ARL6IP5: variants seen among roughly 807,000 people sequenced by gnomAD.
ARL6IP5 encodes the protein PRA1 family protein 3.
Under a neutral mutation model 13.0 loss-of-function variants are expected in ARL6IP5, and 6 were observed. The observed-to-expected ratio is 0.46, with a 90% CI of 0.25 to 0.91. The LOEUF (loss-of-function observed/expected upper bound fraction) is 0.91, where lower values mean the gene tolerates loss of function less well. Among genes scored for constraint, ARL6IP5 ranks in the 40% least tolerant of loss-of-function variants. The pLI is 0.17. For missense variants in ARL6IP5, 208 were observed against 248.8 expected, an observed-to-expected ratio of 0.84 and a Z score of 1.10; for synonymous variants, 91 against 91.9, an observed-to-expected ratio of 0.99 and a Z score of 0.06.
intron 2 of ARL6IP5, among the ~76,000 whole-genome samples, chr3:69,104,100 C>T (rs549161516): frequency 4.3e-4 from 65 of 152,182 alleles, no homozygotes; most frequent in Non-Finnish European, 7.1e-4. Context: ...TGGAAAGCCT[C>T]GGGTAAGTTG....
chr3:69,091,941 AT>A (rs2107511518), intron 1 of ARL6IP5, among the ~76,000 whole-genome samples: 1 of 152,238 alleles, frequency 6.6e-6, no homozygotes, highest in East Asian at 1.9e-4. Context: ...TGTATTTTTT[AT>A]TTTTTGGACA....
chr3:69,103,795 T>C (rs2092313560), intron 2 of ARL6IP5, among the ~76,000 whole-genome samples: 1 of 152,076 alleles, frequency 6.6e-6, no homozygotes, highest in Non-Finnish European at 1.5e-5. Flanking sequence ...CTGGTATAGA[T>C]CATATGGAGA....
At chr3:69,098,240 CTTT>C (rs34413250) in intron 1 of ARL6IP5, among the ~76,000 whole-genome samples, 4 of 71,822 alleles carry the variant, frequency 5.6e-5, no homozygotes, top group East Asian at 4.3e-4. Flanking sequence ...CCATACCTGG[CTTT>C]TTTTTTTTTT....
chr3:69,090,291 G>C (rs1575858444), intron 1 of ARL6IP5, among the ~76,000 whole-genome samples: 1 of 152,284 alleles, frequency 6.6e-6, no homozygotes, highest in Middle Eastern at 3.4e-3. Context: ...TTCAACACCA[G>C]TTCTACAACA....
At chr3:69,093,744 G>A (rs1289585347) in intron 1 of ARL6IP5, among the ~76,000 whole-genome samples, 3 of 146,368 alleles carry the variant, frequency 2.0e-5, no homozygotes, top group Non-Finnish European at 3.0e-5. Context: ...CCTGCCGACA[G>A]AGGGAGATTC....
intron 1 of ARL6IP5, among the ~76,000 whole-genome samples, chr3:69,091,658 T>A (rs1417699172): frequency 6.7e-6 from 1 of 150,100 alleles, no homozygotes; most frequent in African/African-American, 2.4e-5. Flanking sequence ...GTCCAGCTTT[T>A]TTTTTTTTTT....
chr3:69,096,545 TTCAA>T (rs2092287646), intron 1 of ARL6IP5, among the ~76,000 whole-genome samples: 1 of 152,070 alleles, frequency 6.6e-6, no homozygotes, highest in Admixed American at 6.6e-5. Context: ...TTCCTTGAAT[TTCAA>T]TCCTCCATTT....
rs575464418 is a variant in ARL6IP5 at position 69,102,379 on chromosome 3, C to T, written c.394+323C>T. On this transcript the variant is annotated intron_variant, in intron 2 of 2. Transcript: ENST00000273258. ...GTGGTGTTATCTCGGCTTACTGCAA[C>T]CTCTGCCTCCTGAATAGCTGGGACC... 1.5e-5 allele frequency: 5 copies of T among 344,696 alleles called. No homozygotes were observed. In the South Asian group the frequency reaches 1.5e-4, roughly 10 times the overall value. 21.4% of individuals were successfully genotyped at this position (344,696 alleles called of 1,614,324 possible).
chr3:69,092,477 G>T (rs982586709), intron 1 of ARL6IP5, among the ~76,000 whole-genome samples: 1 of 152,104 alleles, frequency 6.6e-6, no homozygotes, highest in Non-Finnish European at 1.5e-5. Flanking sequence ...GCTTTTGTTT[G>T]TTTTGTTTTG....
Position 69,102,072 on chromosome 3 carries a change from T to A in ARL6IP5, c.394+16T>A, listed in dbSNP as rs756133959. The A allele has an allele frequency of 1.9e-6, 3 of 1,608,586 alleles. No individual in the cohort carries two copies. The highest frequency in any genetic ancestry group is 2.7e-5 in the African/African-American group (2 of 74,820). On this transcript the variant is annotated intron_variant, in intron 2 of 2. Coordinates refer to ENST00000273258, the MANE Select transcript of ARL6IP5 (RefSeq NM_006407.4). ...CCTTTGCTGTGTAAGTGAACTTGAG[T>A]TTTTTCTTCCATCATCAAAAAAATG...
rs985787866 is a variant in ARL6IP5, at chr3:69,104,776, G to A, written c.*140G>A. ...CTATGGCAGCATGCATGTATAGGCCGAACTATTATCAGCTCTGATGTTTCA... is the reference window on the plus strand; with the variant it reads ...CTATGGCAGCATGCATGTATAGGCCAAACTATTATCAGCTCTGATGTTTCA... On this transcript the variant is annotated 3_prime_UTR_variant, in exon 3 of 3. Coordinates refer to ENST00000273258, the MANE Select transcript of ARL6IP5 (RefSeq NM_006407.4). 3.6e-5 allele frequency: 34 copies of A among 939,398 alleles called. No homozygotes were observed. The highest frequency in any genetic ancestry group is 8.5e-5 in the South Asian group (6 of 70,936). The allele number at this position is 939,398 out of a possible 1,614,324, so 58.2% of individuals were successfully genotyped here.
In ARL6IP5 at chr3:69,104,715, T is replaced by G; in HGVS notation, c.*79T>G. 2 of 1,506,828 alleles carry G rather than the reference T, an allele frequency of 1.3e-6. No homozygotes were observed. The highest frequency in any genetic ancestry group is 1.8e-6 in the Non-Finnish European group (2 of 1,098,796). 93.3% of individuals were successfully genotyped at this position (1,506,828 alleles called of 1,614,324 possible). A position where few individuals can be genotyped will look rare whatever the true frequency, so the allele number is the denominator to read the frequency against. ...TGTCCAGACCTATGTTCTGCTTGCG[T>G]TTTTGAAACAGGAGGTGCACGTACC... On this transcript the variant is annotated 3_prime_UTR_variant, in exon 3 of 3. Transcript: ENST00000273258.
At chr3:69,087,467 C>G (rs889455220) in intron 1 of ARL6IP5, among the ~76,000 whole-genome samples, 13 of 150,346 alleles carry the variant, frequency 8.6e-5, no homozygotes, top group South Asian at 2.1e-4. Flanking sequence ...AAGTTTGACA[C>G]AGACCAATAA....
chr3:69,103,915 T>G (rs1394213389), intron 2 of ARL6IP5, among the ~76,000 whole-genome samples: 2 of 152,002 alleles, frequency 1.3e-5, no homozygotes, highest in Non-Finnish European at 2.9e-5. Context: ...TCAAGCAAGT[T>G]TGGGGAACGG....
At chr3:69,085,894 A>T (rs1053108718) in intron 1 of ARL6IP5, among the ~76,000 whole-genome samples, 2 of 152,162 alleles carry the variant, frequency 1.3e-5, no homozygotes, top group Non-Finnish European at 2.9e-5. Flanking sequence ...GTTTCAATGT[A>T]TCAGAAGGCC....
rs764442140 is a variant in ARL6IP5 at position 69,104,564 on chromosome 3, C to T, written c.495C>T (p.Val165=). Residue 165 remains valine, a synonymous_variant, in exon 3 of 3, where the codon GTC becomes GTT. Coordinates refer to ENST00000273258, the MANE Select transcript of ARL6IP5 (RefSeq NM_006407.4). Reference sequence around the variant, plus strand: ...TGAAGAGGACACCGATGGGCATTGTCCTGGATGCCCTAGAACAGCAGGAAG... The same window carrying T: ...TGAAGAGGACACCGATGGGCATTGTTCTGGATGCCCTAGAACAGCAGGAAG... The part of the protein sequence containing the change: ...IGLKRTPMGI[V]LDALEQQEEG... 1 of 1,614,072 alleles carries T rather than the reference C, an allele frequency of 6.2e-7. No individual in the cohort carries two copies. The highest frequency in any genetic ancestry group is 8.5e-7 in the Non-Finnish European group (1 of 1,179,936).
chr3:69,089,594 C>T (rs1366614545), intron 1 of ARL6IP5, among the ~76,000 whole-genome samples: 3 of 146,340 alleles, frequency 2.1e-5, no homozygotes, highest in Non-Finnish European at 4.5e-5. Context: ...TGCTCAAGGC[C>T]AGGAGTTTAA....
chr3:69,095,954 C>T (rs2092285525), intron 1 of ARL6IP5, among the ~76,000 whole-genome samples: 1 of 152,148 alleles, frequency 6.6e-6, no homozygotes, highest in South Asian at 2.1e-4. Context: ...CAACTGTTGA[C>T]TAAAAAGCAT....
chr3:69,100,550 T>G (rs2092301686), intron 1 of ARL6IP5, among the ~76,000 whole-genome samples: 3 of 152,046 alleles, frequency 2.0e-5, no homozygotes. Flanking sequence ...GAGGCCGAGC[T>G]GGGCAGATCA....
Sources: gnomAD v4.1 joint callset for allele counts (sites outside exome capture counted in the v4.1 genomes callset) on GRCh38, gnomAD v4.1.1 for gene constraint, MANE v1.5 for transcripts, NCBI Gene and HGNC (gene_info 2026-07-23, HGNC 2026-07-21) for gene names.